The following ARPP21 variants were observed in gnomAD, a reference collection of about 807,000 sequenced individuals.
The protein encoded by ARPP21 is cAMP regulated phosphoprotein 21.
A neutral mutation model predicts 113.2 loss-of-function variants in ARPP21; 69 were observed. The observed-to-expected ratio is 0.61, with a 90% CI of 0.50 to 0.74. The LOEUF (loss-of-function observed/expected upper bound fraction) is 0.74, where lower values mean the gene tolerates loss of function less well. Ranked by LOEUF, ARPP21 falls within the 30% of genes least tolerant of loss-of-function variation. The pLI is 0.00. For synonymous variants in ARPP21, 368 were observed against 375.5 expected (o/e 0.98, Z 0.23); for missense variants, 1,070 against 1,037.4 (o/e 1.03, Z -0.43).
chr3:35,707,356 T>G, intron 10 of ARPP21: 1 of 605,570 alleles, frequency 1.7e-6, no homozygotes, highest in Non-Finnish European at 3.1e-6. Flanking sequence ...TCTGGGAGGG[T>G]CGGGATGCCA....
intron 9 of ARPP21, among the ~76,000 whole-genome samples, chr3:35,703,313 A>G (rs1576047810): frequency 1.3e-5 from 2 of 151,904 alleles, no homozygotes; most frequent in East Asian, 3.9e-4. Flanking sequence ...AATGACTAGA[A>G]CACAAGAGTT....
chr3:35,668,502 C>A (rs530757883), intron 1 of ARPP21, among the ~76,000 whole-genome samples: 7 of 152,150 alleles, frequency 4.6e-5, no homozygotes, highest in African/African-American at 7.2e-5. Context: ...AGTGGTCAGG[C>A]CACAGAGTTG....
intron 1 of ARPP21, among the ~76,000 whole-genome samples, chr3:35,670,039 T>C (rs1336754657): frequency 6.6e-6 from 1 of 152,164 alleles, no homozygotes; most frequent in Non-Finnish European, 1.5e-5. Context: ...GCCAGGTCCT[T>C]CATTTAGTAT....
chr3:35,742,155 A>T (rs1190497304), intron 18 of ARPP21, among the ~76,000 whole-genome samples: 1 of 152,246 alleles, frequency 6.6e-6, no homozygotes, highest in African/African-American at 2.4e-5. Flanking sequence ...TATATTGAAC[A>T]TAAGAAGGGA....
intron 1 of ARPP21, among the ~76,000 whole-genome samples, chr3:35,645,603 AT>A (rs914559132): frequency 6.6e-6 from 1 of 151,966 alleles, no homozygotes; most frequent in African/African-American, 2.4e-5. Flanking sequence ...TTAGGAAATA[AT>A]TCCTTGTGGT....
chr3:35,660,284 A>G (rs1707098964), intron 1 of ARPP21, among the ~76,000 whole-genome samples: 1 of 152,178 alleles, frequency 6.6e-6, no homozygotes, highest in Admixed American at 6.5e-5. Flanking sequence ...ATAAAACACA[A>G]GATGGTATCT....
At chr3:35,738,672 C>T (rs2094495092) in intron 17 of ARPP21, among the ~76,000 whole-genome samples, 1 of 152,162 alleles carries the variant, frequency 6.6e-6, no homozygotes, top group African/African-American at 2.4e-5. Flanking sequence ...GGATGGGAAC[C>T]ATTATCACCC....
At chr3:35,669,350 T>C (rs1446281431) in intron 1 of ARPP21, among the ~76,000 whole-genome samples, 1 of 152,172 alleles carries the variant, frequency 6.6e-6, no homozygotes, top group Non-Finnish European at 1.5e-5. Flanking sequence ...TTTAAAATCT[T>C]GAAGGTTTCA....
chr3:35,686,421 GTA>G (rs1373436813), intron 5 of ARPP21, among the ~76,000 whole-genome samples: 4 of 151,676 alleles, frequency 2.6e-5, no homozygotes, highest in Admixed American at 2.0e-4. Context: ...TATGATGAAA[GTA>G]TGTTTTATTT....
At chr3:35,651,293 T>G (rs964217483) in intron 1 of ARPP21, among the ~76,000 whole-genome samples, 19 of 152,098 alleles carry the variant, frequency 1.2e-4, no homozygotes, top group African/African-American at 4.6e-4. Context: ...ACCTGCCTCT[T>G]GTTCAAATAC....
rs1020584310 is a variant in ARPP21, at chr3:35,709,088, T to C, written c.897+18T>C. On this transcript the variant is annotated intron_variant, in intron 11 of 20. Transcript: ENST00000684406. The stretch of plus-strand genomic sequence containing the variant: ...CACACGATGTGAGTAGTTGTTTTAA[T>C]TGCCTCTTTAGTGCGCTCCTTCCAA... 1 of 1,565,648 alleles carries C rather than the reference T, an allele frequency of 6.4e-7. No individual in the cohort carries two copies. Among genetic ancestry groups the C allele is most frequent in the Non-Finnish European group, 8.8e-7 (1 of 1,136,546 alleles).
intron 5 of ARPP21, among the ~76,000 whole-genome samples, chr3:35,687,303 T>C (rs1417695629): frequency 6.6e-6 from 1 of 151,280 alleles, no homozygotes; most frequent in African/African-American, 2.4e-5. Context: ...GTAATTATGA[T>C]TCCTAGTATA....
At chr3:35,751,810 A>T (rs1308973812) in intron 19 of ARPP21, among the ~76,000 whole-genome samples, 1 of 152,118 alleles carries the variant, frequency 6.6e-6, no homozygotes, top group Non-Finnish European at 1.5e-5. Context: ...TACAGATTTC[A>T]GAAACTCAGC....
Position 35,729,369 on chromosome 3 carries a change from G to A in ARPP21, c.1292G>A (p.Ser431Asn), listed in dbSNP as rs762546877. 6 of 1,614,044 alleles carry A rather than the reference G, an allele frequency of 3.7e-6. No individual in the cohort carries two copies. Among genetic ancestry groups the A allele is most frequent in the Non-Finnish European group, 5.1e-6 (6 of 1,180,040 alleles). ...SLSRTHPPLQ[S>N]TPLVSGVAAG... ...TCCCGCACCCATCCACCTCTCCAGAGCACACCCCTAGTCTCAGGTGTGGCA... is the reference window on the plus strand; with the variant it reads ...TCCCGCACCCATCCACCTCTCCAGAACACACCCCTAGTCTCAGGTGTGGCA... Residue 431 changes from serine to asparagine, a missense_variant, in exon 15 of 21, where the codon AGC becomes AAC. Transcript: ENST00000684406.
At chr3:35,765,793 A>G (rs1014324846) in intron 19 of ARPP21, among the ~76,000 whole-genome samples, 11 of 152,194 alleles carry the variant, frequency 7.2e-5, no homozygotes, top group African/African-American at 2.7e-4. Context: ...GGTTAAGCAT[A>G]AGAACTAAGG....
At position 35,640,236 on chromosome 3, in the gene ARPP21, C is replaced by A. The variant is rs573727710; in HGVS notation, c.-375C>A. 1 of 152,532 alleles carries A rather than the reference C, an allele frequency of 6.6e-6. No individual in the cohort carries two copies. Among genetic ancestry groups the A allele is most frequent in the African/African-American group, 2.4e-5 (1 of 41,552 alleles). 9.4% of individuals were successfully genotyped at this position (152,532 alleles called of 1,614,324 possible). A position where few individuals can be genotyped will look rare whatever the true frequency, so the allele number is the denominator to read the frequency against. ...ATCGACCAAAAACAAAACAAACAAACAAACCCAACAACAACAACAACAACA... is the reference window on the plus strand; with the variant it reads ...ATCGACCAAAAACAAAACAAACAAAAAAACCCAACAACAACAACAACAACA... On this transcript the variant is annotated 5_prime_UTR_variant, in exon 1 of 21. Coordinates refer to ENST00000684406, the MANE Select transcript of ARPP21 (RefSeq NM_001385562.1).
chr3:35,768,182 G>C (rs1301681286), intron 19 of ARPP21, among the ~76,000 whole-genome samples: 1 of 149,076 alleles, frequency 6.7e-6, no homozygotes, highest in East Asian at 2.0e-4. Flanking sequence ...CTTGAGATGA[G>C]GATTCAGATT....
intron 1 of ARPP21, among the ~76,000 whole-genome samples, chr3:35,676,344 A>T (rs1459025926): frequency 1.3e-5 from 2 of 152,012 alleles, no homozygotes; most frequent in East Asian, 3.9e-4. Flanking sequence ...TACTACACTT[A>T]AAAAAGAAAA....
At chr3:35,726,822 G>A (rs1189229972) in intron 14 of ARPP21, among the ~76,000 whole-genome samples, 1 of 152,174 alleles carries the variant, frequency 6.6e-6, no homozygotes, top group Admixed American at 6.5e-5. Context: ...CCCTCAGTCT[G>A]GAGATGAGCT....
Sources: gnomAD v4.1 joint callset for allele counts (sites outside exome capture counted in the v4.1 genomes callset) on GRCh38, gnomAD v4.1.1 for gene constraint, MANE v1.5 for transcripts, NCBI Gene and HGNC (gene_info 2026-07-23, HGNC 2026-07-21) for gene names.